Variants in OR9Q1 observed in about 807,000 individuals in gnomAD.
OR9Q1 encodes olfactory receptor 9Q1.
For missense variants in OR9Q1, 374 were observed against 378.8 expected (o/e 0.99, Z 0.11); for synonymous variants, 153 against 148.6 (o/e 1.03, Z -0.22).
At chr11:58,141,613 C>T (rs567454578) in intron 2 of OR9Q1, among the ~76,000 whole-genome samples, 8 of 152,186 alleles carry the variant, frequency 5.3e-5, no homozygotes, top group East Asian at 3.9e-4. Context: ...CTGCTGGATT[C>T]GGTTTGCCAG....
chr11:58,111,424 T>A (rs1853897940), intron 2 of OR9Q1, among the ~76,000 whole-genome samples: 3 of 152,242 alleles, frequency 2.0e-5, no homozygotes, highest in Non-Finnish European at 4.4e-5. Flanking sequence ...TTTTAAAACC[T>A]TCTCTGCTTT....
chr11:58,030,397 A>T (rs1853019724), intron 1 of OR9Q1, among the ~76,000 whole-genome samples: 1 of 152,138 alleles, frequency 6.6e-6, no homozygotes, highest in African/African-American at 2.4e-5. Context: ...ACATTTATTG[A>T]CTCAAACATG....
At chr11:58,137,163 T>G (rs910564247) in intron 2 of OR9Q1, among the ~76,000 whole-genome samples, 10 of 152,184 alleles carry the variant, frequency 6.6e-5, no homozygotes, top group African/African-American at 2.4e-4. Context: ...CAAAAGAGAT[T>G]TAAAGTGGCT....
At position 58,161,239 on chromosome 11, in the gene OR9Q1, T is replaced by TA. The variant is rs201839734; in HGVS notation, c.-14-18176dup. Among the ~76,000 whole-genome samples the TA allele has an allele frequency of 2.8e-3, 319 of 113,882 alleles. 1 individual carries two copies. Among genetic ancestry groups the TA allele is most frequent in the East Asian group, 5.5e-3 (21 of 3,798 alleles). The allele number at this position is 113,882 out of a possible 152,430, so 74.7% of individuals were successfully genotyped here. On this transcript the variant is annotated intron_variant, in intron 2 of 2. Coordinates refer to ENST00000335397, the MANE Select transcript of OR9Q1 (RefSeq NM_001005212.4). The stretch of plus-strand genomic sequence containing the variant: ...CACATGTACCCTAGAACGTAAAGTA[T>TA]AAAAAAAAAAAAAAAAGAAAAGAGT...
Position 58,085,452 on chromosome 11 carries a change from C to A in OR9Q1, c.-15+29505C>A, listed in dbSNP as rs1193262705. On this transcript the variant is annotated intron_variant, in intron 2 of 2. Coordinates refer to ENST00000335397, the MANE Select transcript of OR9Q1 (RefSeq NM_001005212.4). ...CTCTTTTAACAAAATTTTAAATATC[C>A]AATATCATATTTTAAGTTGTAGCCA... Among the ~76,000 whole-genome samples the A allele has an allele frequency of 3.8e-4, 57 of 151,460 alleles. 1 individual carries two copies. Among genetic ancestry groups the A allele is most frequent in the Non-Finnish European group, 4.4e-5 (3 of 67,982 alleles).
At chr11:58,158,353 G>A (rs1854426906) in intron 2 of OR9Q1, among the ~76,000 whole-genome samples, 1 of 151,548 alleles carries the variant, frequency 6.6e-6, no homozygotes, top group Admixed American at 6.6e-5. Context: ...ACACTCTTGG[G>A]CAGATTTTCC....
In OR9Q1 at chr11:58,039,135, G is replaced by A. The variant is rs537894742; in HGVS notation, c.-93+15031G>A. The stretch of plus-strand genomic sequence containing the variant: ...CTCCCAAGTAACTGGGACTATAGAA[G>A]CACACCACCTCACCCACCTAATTTT... On this transcript the variant is annotated intron_variant, in intron 1 of 2. Transcript: ENST00000335397. Among the ~76,000 whole-genome samples, 24 of 152,138 alleles carry A rather than the reference G, an allele frequency of 1.6e-4. No individual in the cohort carries two copies. In the South Asian group the frequency reaches 4.4e-3, roughly 28 times the overall value.
intron 2 of OR9Q1, among the ~76,000 whole-genome samples, chr11:58,139,318 A>T (rs909454332): frequency 2.0e-5 from 3 of 150,866 alleles, no homozygotes; most frequent in African/African-American, 7.3e-5. Context: ...GTTTTAGGGT[A>T]CATGTGCACA....
At chr11:58,039,108 G>T (rs1446294594) in intron 1 of OR9Q1, among the ~76,000 whole-genome samples, 1 of 152,060 alleles carries the variant, frequency 6.6e-6, no homozygotes, top group Admixed American at 6.5e-5. Flanking sequence ...TCCTGCCTCA[G>T]CCTCCCAAGT....
At chr11:58,065,924 T>A (rs1370015327) in intron 2 of OR9Q1, among the ~76,000 whole-genome samples, 3 of 152,138 alleles carry the variant, frequency 2.0e-5, no homozygotes, top group Non-Finnish European at 1.5e-5. Flanking sequence ...GTGGATTCAG[T>A]CCCTCACTGT....
At chr11:58,167,178 C>T (rs767320342) in intron 2 of OR9Q1, among the ~76,000 whole-genome samples, 3 of 152,216 alleles carry the variant, frequency 2.0e-5, no homozygotes, top group Admixed American at 6.5e-5. Flanking sequence ...TAATCAGACA[C>T]GTAATTAATT....
At chr11:58,170,633 A>T (rs1269166330) in intron 2 of OR9Q1, among the ~76,000 whole-genome samples, 1 of 152,170 alleles carries the variant, frequency 6.6e-6, no homozygotes, top group African/African-American at 2.4e-5. Flanking sequence ...ATAATGAGTC[A>T]TGGGGGTGGT....
chr11:58,035,355 C>T (rs996914384), intron 1 of OR9Q1, among the ~76,000 whole-genome samples: 3 of 152,178 alleles, frequency 2.0e-5, no homozygotes, highest in Non-Finnish European at 4.4e-5. Context: ...GTGGTCCATG[C>T]ACTTAATCAT....
intron 2 of OR9Q1, among the ~76,000 whole-genome samples, chr11:58,134,557 G>T (rs1022993409): frequency 1.3e-5 from 2 of 152,192 alleles, no homozygotes; most frequent in East Asian, 3.9e-4. Flanking sequence ...AGAGCAGATG[G>T]GTCAGAGTGA....
intron 2 of OR9Q1, among the ~76,000 whole-genome samples, chr11:58,108,527 G>A (rs1023810502): frequency 1.3e-5 from 2 of 152,116 alleles, no homozygotes; most frequent in African/African-American, 2.4e-5. Flanking sequence ...GGAGGTAGAG[G>A]AAGTCATCCA....
At chr11:58,133,512 G>A (rs1046586410) in intron 2 of OR9Q1, among the ~76,000 whole-genome samples, 6 of 152,164 alleles carry the variant, frequency 3.9e-5, no homozygotes, top group Non-Finnish European at 7.3e-5. Context: ...TAATACTTTC[G>A]CTTCTCCCTT....
chr11:58,174,750 A>G (rs1854588076), intron 2 of OR9Q1, among the ~76,000 whole-genome samples: 1 of 151,168 alleles, frequency 6.6e-6, no homozygotes, highest in South Asian at 2.1e-4. Flanking sequence ...ATCTTAAAGG[A>G]TATCTTCATA....
intron 2 of OR9Q1, among the ~76,000 whole-genome samples, chr11:58,091,426 T>G (rs1853683376): frequency 6.6e-6 from 1 of 152,222 alleles, no homozygotes; most frequent in African/African-American, 2.4e-5. Flanking sequence ...AGGAGCAGGT[T>G]GTTCAATTTC....
chr11:58,102,526 G>C (rs569414897), intron 2 of OR9Q1, among the ~76,000 whole-genome samples: 1 of 150,066 alleles, frequency 6.7e-6, no homozygotes, highest in East Asian at 2.0e-4. Context: ...CTGAAGCAAA[G>C]CTTTTCTGGG....
Sources: gnomAD v4.1 joint callset for allele counts (sites outside exome capture counted in the v4.1 genomes callset) on GRCh38, gnomAD v4.1.1 for gene constraint, MANE v1.5 for transcripts, NCBI Gene and HGNC (gene_info 2026-07-23, HGNC 2026-07-21) for gene names.